The following NALF1 variants were observed in gnomAD, a reference collection of about 807,000 sequenced individuals.
NALF1 encodes the protein NALCN channel auxiliary factor 1, also known as family with sequence similarity 155 member A.
A neutral mutation model predicts 48.4 loss-of-function variants in NALF1; 3 were observed. The ratio of observed to expected loss-of-function variants is 0.06; its 90% CI spans 0.03 to 0.16. The LOEUF (loss-of-function observed/expected upper bound fraction) is 0.16, where lower values mean the gene tolerates loss of function less well. Among genes scored for constraint, NALF1 ranks in the 10% least tolerant of loss-of-function variants. The pLI, the probability that NALF1 is intolerant of heterozygous loss-of-function variation, is 1.00. For missense variants in NALF1, 526 were observed against 571.5 expected, an observed-to-expected ratio of 0.92 and a Z score of 0.81; for synonymous variants, 262 against 245.7, an observed-to-expected ratio of 1.07 and a Z score of -0.62.
chr13:107,348,978 G>T (rs374147252), intron 1 of NALF1, among the ~76,000 whole-genome samples: 6 of 152,234 alleles, frequency 3.9e-5, no homozygotes, highest in African/African-American at 1.4e-4. Flanking sequence ...GAGTGTTTTT[G>T]CTATCCTTTG....
intron 1 of NALF1, among the ~76,000 whole-genome samples, chr13:107,495,889 G>T (rs1025926512): frequency 1.3e-5 from 2 of 152,108 alleles, no homozygotes; most frequent in African/African-American, 4.8e-5. Context: ...CCTACATGCT[G>T]CTTCTCCAAA....
At chr13:107,832,227 CAT>C (rs1222784106) in intron 1 of NALF1, among the ~76,000 whole-genome samples, 4 of 151,624 alleles carry the variant, frequency 2.6e-5, no homozygotes, top group Admixed American at 1.3e-4. Context: ...TGATAATTAA[CAT>C]GTTATCATTA....
chr13:107,635,359 C>CA (rs1268227517), intron 1 of NALF1, among the ~76,000 whole-genome samples: 1 of 151,854 alleles, frequency 6.6e-6, no homozygotes, highest in African/African-American at 2.4e-5. Context: ...AGAGAAGTGC[C>CA]AAGCAAAGGG....
chr13:107,624,505 G>C (rs1879612540), intron 1 of NALF1, among the ~76,000 whole-genome samples: 1 of 152,100 alleles, frequency 6.6e-6, no homozygotes, highest in African/African-American at 2.4e-5. Flanking sequence ...AAATTATTGT[G>C]AGTTTTGAGA....
chr13:107,271,805 TA>T (rs56322668), intron 1 of NALF1, among the ~76,000 whole-genome samples: 4,575 of 93,622 alleles, frequency 0.049, 192 homozygotes, highest in South Asian at 0.098. Flanking sequence ...TATATATATA[TA>T]TATATATATA....
chr13:107,216,985 C>A (rs1355671677), intron 1 of NALF1, among the ~76,000 whole-genome samples: 2 of 152,222 alleles, frequency 1.3e-5, no homozygotes, highest in Admixed American at 1.3e-4. Context: ...ACCTAAGAAG[C>A]ATTTGTCAAT....
intron 1 of NALF1, among the ~76,000 whole-genome samples, chr13:107,738,098 C>T (rs970035478): frequency 6.6e-6 from 1 of 152,108 alleles, no homozygotes; most frequent in Non-Finnish European, 1.5e-5. Flanking sequence ...TGAAATGAAA[C>T]ATAAGTCACC....
chr13:107,540,822 A>G (rs1008957170), intron 1 of NALF1, among the ~76,000 whole-genome samples: 2 of 152,150 alleles, frequency 1.3e-5, no homozygotes, highest in Non-Finnish European at 2.9e-5. Context: ...GATATTCCTA[A>G]ACAAGAAACT....
chr13:107,512,772 C>T lies in NALF1; in HGVS notation c.916-302017G>A, dbSNP rs542366338. Among the ~76,000 whole-genome samples, 33 of 152,222 alleles carry T rather than the reference C, an allele frequency of 2.2e-4. No individual in the cohort carries two copies. In the South Asian group the frequency reaches 6.8e-3, roughly 32 times the overall value. ...TGTCATGGAAAGGGGTGGTAAGTAA[C>T]TCCAGAGTGTTGCCATGGCAACGGT... On this transcript the variant is annotated intron_variant, in intron 1 of 2. Coordinates refer to ENST00000375915, the MANE Select transcript of NALF1 (RefSeq NM_001080396.3).
rs375644612 is a variant in NALF1, at chr13:107,716,353, C to T, written c.915+149329G>A. On this transcript the variant is annotated intron_variant, in intron 1 of 2. Transcript: ENST00000375915. The stretch of plus-strand genomic sequence containing the variant: ...AAACGTCTGAGCATGTTTTGTTTCC[C>T]GGTGCCATATATTGCTCTTTAACCC... 8.7e-4 allele frequency among the ~76,000 whole-genome samples: 133 copies of T among 152,272 alleles called. 1 individual carries two copies. The Middle Eastern group carries it at 0.01, about 12-fold the overall frequency.
At chr13:107,758,007 T>C (rs1290871969) in intron 1 of NALF1, among the ~76,000 whole-genome samples, 1 of 152,208 alleles carries the variant, frequency 6.6e-6, no homozygotes, top group East Asian at 1.9e-4. Context: ...GATTATCTCT[T>C]TATTTGGCTA....
intron 1 of NALF1, among the ~76,000 whole-genome samples, chr13:107,798,055 C>T (rs954413528): frequency 6.6e-6 from 1 of 151,994 alleles, no homozygotes; most frequent in Non-Finnish European, 1.5e-5. Context: ...GCTATGAAAA[C>T]CAATATTTTT....
At chr13:107,174,938 C>A (rs979218780) in intron 2 of NALF1, among the ~76,000 whole-genome samples, 3 of 151,118 alleles carry the variant, frequency 2.0e-5, no homozygotes, top group Non-Finnish European at 2.9e-5. Flanking sequence ...GGCTGGAGTG[C>A]AGCGGCGCGA....
chr13:107,638,215 A>G (rs1880044786), intron 1 of NALF1, among the ~76,000 whole-genome samples: 1 of 129,600 alleles, frequency 7.7e-6, no homozygotes, highest in Admixed American at 8.0e-5. Flanking sequence ...ATAATTTAAG[A>G]TGAACATTGG....
intron 1 of NALF1, among the ~76,000 whole-genome samples, chr13:107,395,660 T>C (rs2138986705): frequency 6.6e-6 from 1 of 152,280 alleles, no homozygotes; most frequent in Non-Finnish European, 1.5e-5. Context: ...GATGACAGAC[T>C]GAGTGACTTC....
At position 107,199,278 on chromosome 13, in the gene NALF1, C is replaced by T. The variant is rs576956579; in HGVS notation, c.1087+11306G>A. On this transcript the variant is annotated intron_variant, in intron 2 of 2. Coordinates refer to ENST00000375915, the MANE Select transcript of NALF1 (RefSeq NM_001080396.3). ...ACAGCGAGAAGGCAGTGTCTACAGG[C>T]CAAGGAGAGAGGCCTCAGAAGAAAC... Among the ~76,000 whole-genome samples the T allele has an allele frequency of 1.1e-4, 17 of 152,142 alleles. No homozygotes were observed. In the South Asian group the frequency reaches 3.3e-3, roughly 30 times the overall value.
intron 1 of NALF1, among the ~76,000 whole-genome samples, chr13:107,814,420 C>A (rs913170763): frequency 1.3e-5 from 2 of 152,098 alleles, no homozygotes; most frequent in African/African-American, 4.8e-5. Flanking sequence ...ACTTTTAATG[C>A]AGTATCTGCA....
chr13:107,170,260 T>G lies in NALF1; in HGVS notation c.*237A>C. On this transcript the variant is annotated 3_prime_UTR_variant, in exon 3 of 3. Transcript: ENST00000375915. ...CGAAAGCAAATAAAACCTCCAAACA[T>G]TAAAACACAGTGTATAAAATGGTGT... 2 of 441,012 alleles carry G rather than the reference T, an allele frequency of 4.5e-6. No individual in the cohort carries two copies. Among genetic ancestry groups the G allele is most frequent in the East Asian group, 6.9e-5 (2 of 29,132 alleles). The allele number at this position is 441,012 out of a possible 1,614,324, so 27.3% of individuals were successfully genotyped here.
At chr13:107,787,118 T>C (rs1298939142) in intron 1 of NALF1, among the ~76,000 whole-genome samples, 1 of 152,202 alleles carries the variant, frequency 6.6e-6, no homozygotes, top group Non-Finnish European at 1.5e-5. Flanking sequence ...ATTATGTACA[T>C]CTAATATTAC....
Sources: gnomAD v4.1 joint callset for allele counts (sites outside exome capture counted in the v4.1 genomes callset) on GRCh38, gnomAD v4.1.1 for gene constraint, MANE v1.5 for transcripts, NCBI Gene and HGNC (gene_info 2026-07-23, HGNC 2026-07-21) for gene names.